CFAP65: variants seen among roughly 807,000 people sequenced by gnomAD.
The protein encoded by CFAP65 is cilia- and flagella-associated protein 65.
CFAP65 carries 155 observed loss-of-function variants against 208.0 expected under a neutral mutation model. That is an observed-to-expected ratio of 0.75 (90% CI 0.65 to 0.85). The LOEUF is 0.85. CFAP65 is among the 40% of genes least tolerant of loss of function. CFAP65 has a pLI of 0.00. For missense variants in CFAP65, 2,294 were observed against 2,451.3 expected (o/e 0.94, Z 1.36); for synonymous variants, 970 against 986.3 (o/e 0.98, Z 0.31).
At position 219,006,169 on chromosome 2, in the gene CFAP65, G is replaced by A; in HGVS notation, c.4774C>T (p.Leu1592=). The A allele has an allele frequency of 6.2e-7, 1 of 1,612,486 alleles. No homozygotes were observed. The highest frequency in any genetic ancestry group is 1.1e-5 in the South Asian group (1 of 91,020). The part of the protein sequence containing the change: ...QSVSRPASWK[L]QTPKEEVSWP... ...GACACCTCCTCCTTTGGGGTCTGCAGTTTCCAGCTGGCAGGCCGGCTGACA... is the reference window on the plus strand; with the variant it reads ...GACACCTCCTCCTTTGGGGTCTGCAATTTCCAGCTGGCAGGCCGGCTGACA... Residue 1592 remains leucine (L), a synonymous_variant, in exon 31 of 35, where the codon CTG becomes TTG. Transcript: ENST00000341552.
Position 219,027,855 on chromosome 2 carries a change from G to T in CFAP65, c.2006C>A (p.Pro669His), listed in dbSNP as rs754016336. ...CATCAGGCACAGGGGTACAGGGTTGGGGGCCTCAGGCCCTGGGCAGGCACC... is the reference window on the plus strand; with the variant it reads ...CATCAGGCACAGGGGTACAGGGTTGTGGGCCTCAGGCCCTGGGCAGGCACC... ...DFGACPGPEA[P>H]NPVPLCLMNH... Residue 669 changes from proline to histidine, a missense_variant, in exon 13 of 35, where the codon CCC becomes CAC. Physicochemically the swap from Pro to His is moderately conservative, Grantham distance 77 (BLOSUM62 -2). This residue lies in a region of CFAP65 where 867 missense variants were observed against 1,012.6 expected (regional missense o/e 0.86). Coordinates refer to ENST00000341552, the MANE Select transcript of CFAP65 (RefSeq NM_194302.4). 6.3e-7 allele frequency: 1 copy of T among 1,582,464 alleles called. No homozygotes were observed. Among genetic ancestry groups the T allele is most frequent in the Non-Finnish European group, 8.6e-7 (1 of 1,161,496 alleles).
Position 219,010,693 on chromosome 2 carries a change from G to A in CFAP65, c.4161C>T (p.Pro1387=). Residue 1387 remains proline, a synonymous_variant, in exon 26 of 35, where the codon CCC becomes CCT. Coordinates refer to ENST00000341552, the MANE Select transcript of CFAP65 (RefSeq NM_194302.4). The part of the protein sequence containing the change: ...IEAKTYTVDV[P]IHILGWNSAL... ...CCGAGTTCCATCCCAGGATGTGTAT[G>A]GGCACGTCCACCTGGGGAGTTAGGA... 6 of 1,607,796 alleles carry A rather than the reference G, an allele frequency of 3.7e-6. No individual in the cohort carries two copies. The highest frequency in any genetic ancestry group is 5.1e-6 in the Non-Finnish European group (6 of 1,177,390).
Position 219,028,744 on chromosome 2 carries a change from G to C in CFAP65, c.1651-343C>G, listed in dbSNP as rs534348254. Reference sequence around the variant, plus strand: ...AGGCCCTCCCAAGGGAGGAGAATATGGGGGGCTGCCTCATCAGGCCTCCCT... The same window carrying C: ...AGGCCCTCCCAAGGGAGGAGAATATCGGGGGCTGCCTCATCAGGCCTCCCT... On this transcript the variant is annotated intron_variant, in intron 11 of 34. Coordinates refer to ENST00000341552, the MANE Select transcript of CFAP65 (RefSeq NM_194302.4). Among the ~76,000 whole-genome samples the C allele has an allele frequency of 5.9e-5, 9 of 152,286 alleles. No homozygotes were observed. In the East Asian group the frequency reaches 1.7e-3, roughly 29 times the overall value.
rs757034983 is a variant in CFAP65, at chr2:219,038,963, AG to A, written c.85del (p.Ile30PhefsTer5). 4 of 1,613,922 alleles carry A rather than the reference AG, an allele frequency of 2.5e-6. No individual in the cohort carries two copies. In the Admixed American group the frequency reaches 5.0e-5, roughly 20 times the overall value. On this transcript the variant is annotated frameshift_variant, in exon 3 of 35. Transcript: ENST00000341552. LOFTEE classifies it high-confidence loss of function. ...CTTGCCTCTTAGGAGAAGAGGAATA[AG>A]GGGGAAAGAAGAGGCAAATGAGACT... is the stretch of plus-strand genomic sequence containing the variant. ...PSVSFASSFP[L>X]IPLLLRGKSV...
chr2:219,004,963 CTCTT>C lies in CFAP65; in HGVS notation c.5051+467_5051+470del, dbSNP rs969919196. Among the ~76,000 whole-genome samples, 46 of 140,100 alleles carry C rather than the reference CTCTT, an allele frequency of 3.3e-4. No individual in the cohort carries two copies. In the South Asian group the frequency reaches 3.5e-3, roughly 11 times the overall value. 91.9% of individuals were successfully genotyped at this position (140,100 alleles called of 152,430 possible). On this transcript the variant is annotated intron_variant, in intron 32 of 34. Coordinates refer to ENST00000341552, the MANE Select transcript of CFAP65 (RefSeq NM_194302.4). This position sits in a 1 kb window ranked among gnomAD's most constrained non-coding sequence, Gnocchi z 4.7. ...TCTTTCTTTCTTTCTTTCTTTCTCTCTCTTTCTTTCTTTCTCTCTTTCTGTCTTT... is the reference window on the plus strand; with the variant it reads ...TCTTTCTTTCTTTCTTTCTTTCTCTCTCTTTCTTTCTCTCTTTCTGTCTTT...
chr2:219,014,064 C>G lies in CFAP65; in HGVS notation c.3603-20G>C. ...AAGGCCCTGGGAGAGGGGTGCAAAG[C>G]CATACAAAGAAACTGGTCAGGCAGA... On this transcript the variant is annotated intron_variant, in intron 21 of 34. Coordinates refer to ENST00000341552, the MANE Select transcript of CFAP65 (RefSeq NM_194302.4). 1 of 1,583,330 alleles carries G rather than the reference C, an allele frequency of 6.3e-7. No individual in the cohort carries two copies. The highest frequency in any genetic ancestry group is 8.6e-7 in the Non-Finnish European group (1 of 1,162,638).
chr2:219,028,540 C>T, intron 11 of CFAP65, 139 bp from the exon 12 acceptor site: 1 of 726,734 alleles, frequency 1.4e-6, no homozygotes, highest in Non-Finnish European at 2.4e-6. Context: ...GGCCAGTGAG[C>T]AAGCACTCAG....
intron 2 of CFAP65, among the ~76,000 whole-genome samples, chr2:219,040,289 C>T (rs1034042290): frequency 6.6e-6 from 1 of 152,110 alleles, no homozygotes; most frequent in Non-Finnish European, 1.5e-5. Context: ...CATGATCACC[C>T]TTTAGGAATT....
chr2:219,019,264 CT>C, intron 20 of CFAP65, 85 bp from the exon 21 acceptor site: 1 of 1,485,488 alleles, frequency 6.7e-7, no homozygotes, highest in Non-Finnish European at 9.1e-7. Flanking sequence ...GGGCACTCCC[CT>C]CCCTCCAAGT....
Position 219,022,221 on chromosome 2 carries a change from T to G in CFAP65, c.2929A>C (p.Thr977Pro), listed in dbSNP as rs1252884414. 1 of 1,606,152 alleles carries G rather than the reference T, an allele frequency of 6.2e-7. No individual in the cohort carries two copies. Among genetic ancestry groups the G allele is most frequent in the Non-Finnish European group, 8.5e-7 (1 of 1,176,712 alleles). Reference protein sequence around the residue: ...LSPNANPAATTHYMLRLVGVG... With the variant: ...LSPNANPAATPHYMLRLVGVG... ...CCCACCAGCCGGAGCATGTAGTGGG[T>G]GGTGGCAGCGGGGTTGGCATTTGGG... The change falls in exon 17 of 35, where the codon ACC (threonine) becomes CCC (proline). Residue 977 changes from threonine to proline, a missense_variant. By Grantham distance (38) the Thr-to-Pro change is conservative. Around this residue, in one of 2 missense-constraint regions of CFAP65, gnomAD observed 1,427 missense variants for 1,438.7 expected, o/e 0.99. Transcript: ENST00000341552.
intron 28 of CFAP65, 53 bp from the exon 29 acceptor site, chr2:219,009,207 C>T: frequency 1.9e-6 from 3 of 1,554,646 alleles, no homozygotes; most frequent in Non-Finnish European, 2.7e-6. Context: ...TTGCCCGGGG[C>T]CTATGCTGTG....
At position 219,023,324 on chromosome 2, in the gene CFAP65, G is replaced by T. The variant is rs754721465; in HGVS notation, c.2703C>A (p.Phe901Leu). 16 of 1,612,760 alleles carry T rather than the reference G, an allele frequency of 9.9e-6. No homozygotes were observed. Among genetic ancestry groups the T allele is most frequent in the African/African-American group, 2.7e-5 (2 of 74,948 alleles). ...TWVGCSSTSP[F>L]TFRNPSRLPL... The stretch of plus-strand genomic sequence containing the variant: ...GCAGACGCGAGGGGTTGCGGAAGGT[G>T]AAGGGGCTGGTGGAGGAGCAGCCCA... The change falls in exon 16 of 35, where the codon TTC becomes TTA. Residue 901 changes from phenylalanine (F) to leucine (L), a missense_variant. By Grantham distance (22) the Phe-to-Leu change is conservative (BLOSUM62 0). Coordinates refer to ENST00000341552, the MANE Select transcript of CFAP65 (RefSeq NM_194302.4).
rs1574503327 is a variant in CFAP65 at position 219,004,203 on chromosome 2, A to C, written c.5304T>G (p.Gly1768=). 1 of 1,609,356 alleles carries C rather than the reference A, an allele frequency of 6.2e-7. No individual in the cohort carries two copies. The highest frequency in any genetic ancestry group is 1.4e-5 in the African/African-American group (1 of 73,162). The stretch of plus-strand genomic sequence containing the variant: ...CCTCCAACTCTTCTTCTTCCTCTTC[A>C]CCCTTCTCCTCCTCCCCCTCTTCCT... The part of the protein sequence containing the change: ...GKKEEGEEEK[G]EEEEEELEEE... Residue 1768 remains glycine (G), a synonymous_variant, in exon 33 of 35, where the codon GGT becomes GGG. Transcript: ENST00000341552. This position sits in a 1 kb window ranked among gnomAD's most constrained non-coding sequence, Gnocchi z 4.7.
intron 3 of CFAP65, 75 bp downstream of exon 3, chr2:219,038,821 C>G: frequency 6.7e-7 from 1 of 1,501,142 alleles, no homozygotes; most frequent in Admixed American, 2.0e-5. Flanking sequence ...AGGCCCACCC[C>G]ACTAGGCCCC....
chr2:219,019,793 G>C, intron 19 of CFAP65, 74 bp from the exon 20 acceptor site: 1 of 1,297,478 alleles, frequency 7.7e-7, no homozygotes, highest in Non-Finnish European at 1.1e-6. Flanking sequence ...CAGGCCAAAG[G>C]TGCAGGAGTC....
chr2:219,024,296 C>T (rs767654609), intron 14 of CFAP65, 36 bp from the exon 15 acceptor site: 2 of 1,585,004 alleles, frequency 1.3e-6, no homozygotes, highest in Non-Finnish European at 8.6e-7. Context: ...GCCCCCCGCT[C>T]AGACCTCCAC....
In CFAP65 at chr2:219,003,224, G is replaced by A; in HGVS notation, c.5604C>T (p.Ile1868=). The A allele has an allele frequency of 6.5e-7, 1 of 1,548,562 alleles. No individual in the cohort carries two copies. The highest frequency in any genetic ancestry group is 1.2e-5 in the South Asian group (1 of 83,998). ...GGCTCGCCTCCACCAGGATGTTCTGGATCATGTTCTCCAGCAGCGCCTCCT... is the reference window on the plus strand; with the variant it reads ...GGCTCGCCTCCACCAGGATGTTCTGAATCATGTTCTCCAGCAGCGCCTCCT... The part of the protein sequence containing the change: ...NLQEALLENM[I]QNILVEASRG... The change falls in exon 34 of 35, where the codon ATC becomes ATT. Residue 1868 remains isoleucine (I), a synonymous_variant. Coordinates refer to ENST00000341552, the MANE Select transcript of CFAP65 (RefSeq NM_194302.4). The surrounding 1 kb of genome is among the most constrained non-coding windows in gnomAD (Gnocchi z 4.4).
upstream of CFAP65, chr2:219,041,549 T>G (rs778925167): frequency 9.6e-5 from 149 of 1,550,196 alleles, 1 homozygote; most frequent in Non-Finnish European, 1.3e-4. Flanking sequence ...TCTTCAGATA[T>G]CCCAGGGCAA....
intron 4 of CFAP65, among the ~76,000 whole-genome samples, chr2:219,037,175 A>T (rs1948414891): frequency 6.6e-6 from 1 of 152,098 alleles, no homozygotes; most frequent in Non-Finnish European, 1.5e-5. Flanking sequence ...GTGAATCACG[A>T]AGTCAGGAGT....
Sources: allele counts gnomAD v4.1 joint callset (sites outside exome capture counted in the v4.1 genomes callset), GRCh38; gene constraint gnomAD v4.1.1; regional missense constraint gnomAD v4.1.1; non-coding constraint Gnocchi (gnomAD v3.1); transcripts MANE v1.5; gene names NCBI Gene and HGNC (gene_info 2026-07-23, HGNC 2026-07-21).